Variants in C1R observed in about 807,000 individuals in gnomAD.
The protein encoded by C1R is complement C1r subcomponent.
C1R carries 15 observed loss-of-function variants against 27.6 expected under a neutral mutation model. The observed-to-expected ratio is 0.54, with a 90% CI of 0.36 to 0.84. C1R has a LOEUF of 0.84. Ranked by LOEUF, C1R falls within the 40% of genes least tolerant of loss-of-function variation. The probability of loss-of-function intolerance (pLI) is 0.01; values close to 1 mark genes in which losing one functional copy is unlikely to be tolerated. For synonymous variants in C1R, 253 were observed against 228.8 expected (o/e 1.11, Z -0.95); for missense variants, 544 against 577.9 (o/e 0.94, Z 0.60).
chr12:7,090,022 G>A (rs1282540124), intron 3 of C1R, 34 bp downstream of exon 3: 1 of 744,216 alleles, frequency 1.3e-6, no homozygotes, highest in Admixed American at 1.9e-5. Flanking sequence ...TATGGCTGAG[G>A]TCAGAGAAAA....
In C1R at chr12:7,088,997, AG is replaced by A; in HGVS notation, c.769-12del. On this transcript the variant is annotated splice_polypyrimidine_tract_variant and intron_variant, in intron 5 of 10. Coordinates refer to ENST00000647956, the MANE Select transcript of C1R (RefSeq NM_001733.7). ...CCCGTTGGCATAGATCTAGTAGGGG[AG>A]GAGGGTTTTTTTTTTTCAGCTTGGA... is the stretch of plus-strand genomic sequence containing the variant. 1 of 702,540 alleles carries A rather than the reference AG, an allele frequency of 1.4e-6. No individual in the cohort carries two copies. Among genetic ancestry groups the A allele is most frequent in the East Asian group, 2.6e-5 (1 of 38,878 alleles). 43.5% of individuals were successfully genotyped at this position (702,540 alleles called of 1,614,324 possible).
At chr12:7,087,617 T>A (rs1333025941) in intron 7 of C1R, 1 of 154,382 alleles carries the variant, frequency 6.5e-6, no homozygotes, top group African/African-American at 2.4e-5. Context: ...TCTCCATTCT[T>A]CTGGACCCAG....
At chr12:7,087,184 G>C (rs1174240829) in intron 7 of C1R, 1 of 152,300 alleles carries the variant, frequency 6.6e-6, no homozygotes, top group African/African-American at 2.4e-5. Flanking sequence ...GGGCAACATG[G>C]AGAAACCCTG....
chr12:7,085,107 T>C (rs974338515), intron 9 of C1R, among the ~76,000 whole-genome samples: 1 of 141,330 alleles, frequency 7.1e-6, no homozygotes, highest in Non-Finnish European at 1.5e-5. Flanking sequence ...AGTGTGGTGG[T>C]GATGATGATG....
At chr12:7,082,137 G>C (rs767514366) in intron 9 of C1R, 31 bp from the exon 10 acceptor site, 30 of 1,273,076 alleles carry the variant, frequency 2.4e-5, no homozygotes, top group East Asian at 5.0e-5. Context: ...AATCAAGTTG[G>C]GGGGTGATGG....
At chr12:7,090,340 G>C in intron 2 of C1R, 92 bp from the exon 3 acceptor site, 1 of 649,796 alleles carries the variant, frequency 1.5e-6, no homozygotes, top group East Asian at 2.7e-5. Context: ...CTCGCCCAGA[G>C]TGCATCATGC....
intron 10 of C1R, 86 bp downstream of exon 10, chr12:7,081,942 CCTCT>C (rs1324844926): frequency 4.6e-6 from 5 of 1,084,810 alleles, no homozygotes; most frequent in Non-Finnish European, 6.7e-6. Flanking sequence ...CCTCTTCTCT[CCTCT>C]CTCTCCTTTT....
chr12:7,083,549 G>A (rs1487759255), intron 9 of C1R, among the ~76,000 whole-genome samples: 23 of 148,754 alleles, frequency 1.5e-4, no homozygotes, highest in Admixed American at 2.7e-4. Context: ...CATGGTAGTG[G>A]CGACAGTGGT....
Position 7,092,434 on chromosome 12 carries a change from C to G in C1R, c.-46G>C, listed in dbSNP as rs375044979. 9.2e-5 allele frequency: 72 copies of G among 780,532 alleles called. No homozygotes were observed. The highest frequency in any genetic ancestry group is 1.1e-4 in the Non-Finnish European group (44 of 417,940). 48.4% of individuals were successfully genotyped at this position (780,532 alleles called of 1,614,324 possible). A position where few individuals can be genotyped will look rare whatever the true frequency, so the allele number is the denominator to read the frequency against. Reference sequence around the variant, plus strand: ...TCCTGGGCTCTCCCGACAGCGTCTTCGTGCACTGTGTGCAGAGGGAGCCCG... The same window carrying G: ...TCCTGGGCTCTCCCGACAGCGTCTTGGTGCACTGTGTGCAGAGGGAGCCCG... On this transcript the variant is annotated 5_prime_UTR_variant, in exon 1 of 11. Coordinates refer to ENST00000647956, the MANE Select transcript of C1R (RefSeq NM_001733.7).
At chr12:7,090,808 C>T (rs980414375) in intron 2 of C1R, among the ~76,000 whole-genome samples, 7 of 152,146 alleles carry the variant, frequency 4.6e-5, no homozygotes, top group South Asian at 4.1e-4. Context: ...TGCCAGCAAA[C>T]GCCCTCCCCC....
At chr12:7,089,872 C>G in intron 3 of C1R, 139 bp from the exon 4 acceptor site, 1 of 711,994 alleles carries the variant, frequency 1.4e-6, no homozygotes. Context: ...CTCTCCAATG[C>G]TCTCTGGGGA....
chr12:7,084,699 G>C (rs1340038643), intron 9 of C1R, among the ~76,000 whole-genome samples: 1 of 48,460 alleles, frequency 2.1e-5, no homozygotes, highest in Non-Finnish European at 4.4e-5. Context: ...GGTGGTGATG[G>C]AGGTTTTAGT....
Position 7,091,702 on chromosome 12 carries a change from T to C in C1R, c.3-22A>G, listed in dbSNP as rs1286759488. 8 of 721,528 alleles carry C rather than the reference T, an allele frequency of 1.1e-5. No homozygotes were observed. In the South Asian group the frequency reaches 1.2e-4, roughly 11 times the overall value. 44.7% of individuals were successfully genotyped at this position (721,528 alleles called of 1,614,324 possible). On this transcript the variant is annotated intron_variant, in intron 1 of 10. Coordinates refer to ENST00000647956, the MANE Select transcript of C1R (RefSeq NM_001733.7). This position sits in a 1 kb window ranked among gnomAD's most constrained non-coding sequence, Gnocchi z 5.1. ...CCACCTGCCAAAACAAAAGAGAGTA[T>C]CTGGAGCTGGAGGGGTTCAGCACTC...
Position 7,080,512 on chromosome 12 carries a change from G to A in C1R, c.*20C>T, listed in dbSNP as rs766283611. ...TTTTTCCACACTGCTCTCTGGATTC[G>A]AACCTAGTGAATTCTGGGCTCAGTC... On this transcript the variant is annotated 3_prime_UTR_variant, in exon 11 of 11. Transcript: ENST00000647956. This position sits in a 1 kb window ranked among gnomAD's most constrained non-coding sequence, Gnocchi z 4.9. 11 of 1,522,818 alleles carry A rather than the reference G, an allele frequency of 7.2e-6. No homozygotes were observed. The East Asian group carries it at 1.1e-4, about 16-fold the overall frequency. 94.3% of individuals were successfully genotyped at this position (1,522,818 alleles called of 1,614,324 possible).
Position 7,091,359 on chromosome 12 carries a change from C to T in C1R, c.231+93G>A, listed in dbSNP as rs1228143302. 2 of 681,764 alleles carry T rather than the reference C, an allele frequency of 2.9e-6. No individual in the cohort carries two copies. Among genetic ancestry groups the T allele is most frequent in the Non-Finnish European group, 5.3e-6 (2 of 376,220 alleles). 42.2% of individuals were successfully genotyped at this position (681,764 alleles called of 1,614,324 possible). ...CCGTTGGCCATCAGCTCTTGTGGGG[C>T]TGGGCTGTGTCTGGGGGTGTGCATG... On this transcript the variant is annotated intron_variant, in intron 2 of 10. Coordinates refer to ENST00000647956, the MANE Select transcript of C1R (RefSeq NM_001733.7). The surrounding 1 kb of genome is among the most constrained non-coding windows in gnomAD (Gnocchi z 5.1).
At chr12:7,083,348 G>A (rs1471410849) in intron 9 of C1R, among the ~76,000 whole-genome samples, 2 of 152,190 alleles carry the variant, frequency 1.3e-5, no homozygotes, top group African/African-American at 4.8e-5. Flanking sequence ...GGTGATGGTG[G>A]TGTTGGTGTT....
Position 7,091,336 on chromosome 12 carries a change from G to A in C1R, c.231+116C>T, listed in dbSNP as rs868228183. The A allele has an allele frequency of 1.2e-5, 8 of 664,898 alleles. No homozygotes were observed. The highest frequency in any genetic ancestry group is 5.5e-5 in the Admixed American group (2 of 36,236). 41.2% of individuals were successfully genotyped at this position (664,898 alleles called of 1,614,324 possible). A position where few individuals can be genotyped will look rare whatever the true frequency, so the allele number is the denominator to read the frequency against. On this transcript the variant is annotated intron_variant, in intron 2 of 10. Transcript: ENST00000647956. The surrounding 1 kb of genome is among the most constrained non-coding windows in gnomAD (Gnocchi z 5.1). Reference sequence around the variant, plus strand: ...GCATCCCCGGGCTCTCAGAGAGGCCGTTGGCCATCAGCTCTTGTGGGGCTG... The same window carrying A: ...GCATCCCCGGGCTCTCAGAGAGGCCATTGGCCATCAGCTCTTGTGGGGCTG...
In C1R at chr12:7,089,386, C is replaced by A. The variant is rs1370591272; in HGVS notation, c.675G>T (p.Arg225=). 2 of 780,596 alleles carry A rather than the reference C, an allele frequency of 2.6e-6. No individual in the cohort carries two copies. The highest frequency in any genetic ancestry group is 2.4e-6 in the Non-Finnish European group (1 of 417,884). 48.4% of individuals were successfully genotyped at this position (780,596 alleles called of 1,614,324 possible). Residue 225 remains arginine (R), a synonymous_variant, in exon 5 of 11, where the codon CGG becomes CGT. Coordinates refer to ENST00000647956, the MANE Select transcript of C1R (RefSeq NM_001733.7). Reference sequence around the variant, plus strand: ...GGTGCAGGGTGAGGCCCCGCTCCACCCGGATGCTGTAGTTGCAGCGCAGGT... The same window carrying A: ...GGTGCAGGGTGAGGCCCCGCTCCACACGGATGCTGTAGTTGCAGCGCAGGT... ...PPDLRCNYSI[R]VERGLTLHLK...
rs1012607187 is a variant in C1R, at chr12:7,080,451, G to T, written c.*81C>A. On this transcript the variant is annotated 3_prime_UTR_variant, in exon 11 of 11. Transcript: ENST00000647956. This position sits in a 1 kb window ranked among gnomAD's most constrained non-coding sequence, Gnocchi z 4.9. The stretch of plus-strand genomic sequence containing the variant: ...AGTAATTTTAATAGAGACTCTTAGT[G>T]GTTATCAACAACTGGTCAGTTGTTT... 4.7e-6 allele frequency: 7 copies of T among 1,504,596 alleles called. No homozygotes were observed. The East Asian group carries it at 9.1e-5, about 20-fold the overall frequency. 93.2% of individuals were successfully genotyped at this position (1,504,596 alleles called of 1,614,324 possible).
Sources: gnomAD v4.1 joint callset for allele counts (sites outside exome capture counted in the v4.1 genomes callset) on GRCh38, gnomAD v4.1.1 for gene constraint, Gnocchi (gnomAD v3.1) non-coding constraint, MANE v1.5 for transcripts, NCBI Gene and HGNC (gene_info 2026-07-23, HGNC 2026-07-21) for gene names.